The following TBC1D8 variants were observed in gnomAD, a reference collection of about 807,000 sequenced individuals.
TBC1D8 encodes TBC1 domain family member 8.
TBC1D8 carries 65 observed loss-of-function variants against 118.8 expected under a neutral mutation model. The observed-to-expected ratio is 0.55, with a 90% CI of 0.45 to 0.67. TBC1D8 has a LOEUF of 0.67. TBC1D8 is among the 30% of genes least tolerant of loss of function. The pLI is 0.00. For synonymous variants in TBC1D8, 566 were observed against 595.8 expected, an observed-to-expected ratio of 0.95 and a Z score of 0.73; for missense variants, 1,376 against 1,471.2, an observed-to-expected ratio of 0.94 and a Z score of 1.06.
In TBC1D8 at chr2:101,008,097, C is replaced by G; in HGVS notation, c.3192G>C (p.Arg1064=). The change falls in exon 20 of 20, where the codon CGG becomes CGC. Residue 1064 remains arginine (R), a synonymous_variant. Coordinates refer to ENST00000409318, the MANE Select transcript of TBC1D8 (RefSeq NM_001330348.2). The part of the protein sequence containing the change: ...SCSQECGEEL[R]ASAPSPEDSV... ...AGTCCTCAGGAGAAGGAGCTGAAGC[C>G]CGCAGCTCCTCCCCACACTCCTGGG... 1 of 1,613,826 alleles carries G rather than the reference C, an allele frequency of 6.2e-7. No individual in the cohort carries two copies. Among genetic ancestry groups the G allele is most frequent in the Non-Finnish European group, 8.5e-7 (1 of 1,179,782 alleles).
chr2:101,068,953 T>A, intron 2 of TBC1D8, among the ~76,000 whole-genome samples: 1 of 147,648 alleles, frequency 6.8e-6, no homozygotes, highest in Non-Finnish European at 1.5e-5. Context: ...TCAGCAGAGA[T>A]CGCGCCACTG....
At chr2:101,035,943 C>T (rs985327352) in intron 9 of TBC1D8, 75 bp downstream of exon 9, 32 of 1,541,704 alleles carry the variant, frequency 2.1e-5, no homozygotes, top group African/African-American at 5.5e-5. Context: ...TAAACACACG[C>T]GCTGCTCGGG....
At chr2:101,059,689 C>A in intron 2 of TBC1D8, 150 bp from the exon 3 acceptor site, 1 of 631,856 alleles carries the variant, frequency 1.6e-6, no homozygotes, top group Non-Finnish European at 2.7e-6. Context: ...GCCTGTAATC[C>A]CAGGACTTTG....
chr2:101,043,929 A>G (rs1269319908), intron 5 of TBC1D8, among the ~76,000 whole-genome samples: 1 of 151,322 alleles, frequency 6.6e-6, no homozygotes, highest in Non-Finnish European at 1.5e-5. Flanking sequence ...AACAAGAGCA[A>G]AAGTCTGTCT....
chr2:101,019,552 A>G (rs1051157802), intron 17 of TBC1D8: 1 of 153,116 alleles, frequency 6.5e-6, no homozygotes, highest in South Asian at 2.0e-4. Context: ...TTCAGATACG[A>G]AACATACACT....
intron 1 of TBC1D8, among the ~76,000 whole-genome samples, chr2:101,113,648 A>C (rs1276394418): frequency 6.6e-6 from 1 of 152,186 alleles, no homozygotes; most frequent in Non-Finnish European, 1.5e-5. Context: ...CCCTGTACAT[A>C]ATAAAAGGCA....
chr2:101,131,038 T>C (rs996926666), intron 1 of TBC1D8, among the ~76,000 whole-genome samples: 1 of 150,676 alleles, frequency 6.6e-6, no homozygotes, highest in Non-Finnish European at 1.5e-5. Flanking sequence ...CCAGGACCCC[T>C]GGGAAACCTC....
chr2:101,117,725 C>T (rs1677889717), intron 1 of TBC1D8, among the ~76,000 whole-genome samples: 1 of 151,868 alleles, frequency 6.6e-6, no homozygotes, highest in Non-Finnish European at 1.5e-5. Flanking sequence ...AGGCGCCCGC[C>T]ACCATGCCTG....
At chr2:101,149,673 G>A (rs1372045541) in intron 1 of TBC1D8, among the ~76,000 whole-genome samples, 1 of 152,130 alleles carries the variant, frequency 6.6e-6, no homozygotes, top group African/African-American at 2.4e-5. Context: ...TCAAAGAAAG[G>A]GAGGGACGAC....
At chr2:101,128,435 A>T (rs889115869) in intron 1 of TBC1D8, among the ~76,000 whole-genome samples, 8 of 152,302 alleles carry the variant, frequency 5.3e-5, no homozygotes, top group African/African-American at 1.9e-4. Flanking sequence ...GGGGCCCATG[A>T]CTGGGGCCTC....
At chr2:101,139,674 C>T (rs981354484) in intron 1 of TBC1D8, among the ~76,000 whole-genome samples, 1 of 152,142 alleles carries the variant, frequency 6.6e-6, no homozygotes, top group Non-Finnish European at 1.5e-5. Context: ...AACAGACTCT[C>T]GGAGGCCTCA....
chr2:101,069,446 C>T (rs937942528), intron 2 of TBC1D8, among the ~76,000 whole-genome samples: 1 of 151,934 alleles, frequency 6.6e-6, no homozygotes, highest in African/African-American at 2.4e-5. Flanking sequence ...ATTTGCCGGG[C>T]GTGGTGGTGC....
intron 1 of TBC1D8, among the ~76,000 whole-genome samples, chr2:101,103,115 T>G (rs903968671): frequency 1.3e-5 from 2 of 151,930 alleles, no homozygotes; most frequent in Non-Finnish European, 2.9e-5. Context: ...CAACAAAATA[T>G]GAGCAAATAG....
At chr2:101,122,256 A>T (rs1678148301) in intron 1 of TBC1D8, among the ~76,000 whole-genome samples, 1 of 150,996 alleles carries the variant, frequency 6.6e-6, no homozygotes, top group African/African-American at 2.4e-5. Context: ...ATTTTTTAGT[A>T]GAAACGGGGT....
chr2:101,101,335 A>C (rs1676819940), intron 1 of TBC1D8, among the ~76,000 whole-genome samples: 1 of 152,230 alleles, frequency 6.6e-6, no homozygotes, highest in Non-Finnish European at 1.5e-5. Context: ...TGCAAATCAA[A>C]ATCACAATGA....
chr2:101,137,178 G>A (rs549542143), intron 1 of TBC1D8, among the ~76,000 whole-genome samples: 8 of 151,984 alleles, frequency 5.3e-5, no homozygotes, highest in South Asian at 2.1e-4. Context: ...GATTACAGGC[G>A]TGTGCCACCA....
intron 1 of TBC1D8, among the ~76,000 whole-genome samples, chr2:101,111,918 A>T (rs1047112116): frequency 3.2e-3 from 15 of 4,690 alleles, no homozygotes; most frequent in Admixed American, 0.015. Context: ...CATAGTTTTA[A>T]AAAAAAAAAA....
chr2:101,045,459 G>A (rs1184449557), intron 5 of TBC1D8, among the ~76,000 whole-genome samples: 1 of 152,100 alleles, frequency 6.6e-6, no homozygotes, highest in African/African-American at 2.4e-5. Flanking sequence ...ACTGTGTGTC[G>A]GCAGGCTTAA....
At chr2:101,066,325 T>A (rs1683011595) in intron 2 of TBC1D8, among the ~76,000 whole-genome samples, 1 of 151,868 alleles carries the variant, frequency 6.6e-6, no homozygotes, top group South Asian at 2.1e-4. Flanking sequence ...ATATACTCCA[T>A]ATGTTCAAAT....
Sources: allele counts gnomAD v4.1 joint callset (sites outside exome capture counted in the v4.1 genomes callset), GRCh38; gene constraint gnomAD v4.1.1; transcripts MANE v1.5; gene names NCBI Gene and HGNC (gene_info 2026-07-23, HGNC 2026-07-21).